STK3: variants seen among roughly 807,000 people sequenced by gnomAD.
STK3 encodes the protein serine/threonine-protein kinase 3.
STK3 carries 41 observed loss-of-function variants against 58.0 expected under a neutral mutation model. The ratio of observed to expected loss-of-function variants is 0.71; its 90% confidence interval spans 0.55 to 0.92. The LOEUF (loss-of-function observed/expected upper bound fraction) is 0.92. Ranked by LOEUF, STK3 falls within the 40% of genes least tolerant of loss-of-function variation. The probability of loss-of-function intolerance (pLI) is 0.00; values close to 1 mark genes in which losing one functional copy is unlikely to be tolerated. For synonymous variants in STK3, 170 were observed against 191.0 expected, an observed-to-expected ratio of 0.89 and a Z score of 0.91; for missense variants, 479 against 602.7, an observed-to-expected ratio of 0.79 and a Z score of 2.15.
chr8:98,838,650 T>C (rs1289119687), intron 3 of STK3, among the ~76,000 whole-genome samples: 2 of 152,136 alleles, frequency 1.3e-5, no homozygotes, highest in Admixed American at 1.3e-4. Context: ...TGCAAAAAGT[T>C]TGGAAAGATG....
chr8:98,434,872 A>G (rs1818430413), intron 2 of STK3, among the ~76,000 whole-genome samples: 1 of 152,200 alleles, frequency 6.6e-6, no homozygotes, highest in Admixed American at 6.5e-5. Flanking sequence ...GAAAGAAGGG[A>G]AAAGAGCAGA....
chr8:98,527,288 G>A (rs560009921), intron 9 of STK3, among the ~76,000 whole-genome samples: 3 of 152,086 alleles, frequency 2.0e-5, no homozygotes, highest in African/African-American at 7.2e-5. Flanking sequence ...TTGCATTTAA[G>A]CCTGCATTGC....
chr8:98,596,461 A>G (rs879423112), intron 6 of STK3: 11 of 209,642 alleles, frequency 5.2e-5, no homozygotes, highest in African/African-American at 1.1e-4. Context: ...CTGACCCACT[A>G]AGGACTTTCC....
chr8:98,546,906 C>A (rs1323787562), intron 9 of STK3, among the ~76,000 whole-genome samples: 1 of 152,028 alleles, frequency 6.6e-6, no homozygotes, highest in Non-Finnish European at 1.5e-5. Context: ...GTGGGCTACA[C>A]AGAACTAGGG....
intron 3 of STK3, among the ~76,000 whole-genome samples, chr8:98,858,353 G>GAGAGAC (rs1836785215): frequency 7.3e-6 from 1 of 137,234 alleles, no homozygotes; most frequent in African/African-American, 2.7e-5. Context: ...GAGAGAGAGA[G>GAGAGAC]AGAGAGACAG....
chr8:98,707,046 A>C, intron 5 of STK3, 101 bp downstream of exon 5: 1 of 1,264,154 alleles, frequency 7.9e-7, no homozygotes, highest in Non-Finnish European at 1.1e-6. Flanking sequence ...AAAAAACTAC[A>C]CATTTCTTTC....
At chr8:98,815,122 C>T (rs1834466049) in intron 1 of STK3, among the ~76,000 whole-genome samples, 3 of 152,144 alleles carry the variant, frequency 2.0e-5, no homozygotes, top group Non-Finnish European at 4.4e-5. Flanking sequence ...TATAGTGGGT[C>T]AAAGAGCAAC....
In STK3 at chr8:98,830,862, C is replaced by T. The variant is rs915903482; in HGVS notation, c.110+52785G>A. Reference sequence around the variant, plus strand: ...GTGGGCACCTGTACTCCCAGCTACTCGGGAGGCTGAGGCAGGAGAATGGCG... The same window carrying T: ...GTGGGCACCTGTACTCCCAGCTACTTGGGAGGCTGAGGCAGGAGAATGGCG... On this transcript the variant is annotated intron_variant, in intron 3 of 12. Transcript: ENST00000523601. Among the ~76,000 whole-genome samples the T allele has an allele frequency of 5.8e-4, 86 of 147,682 alleles. 1 individual carries two copies. The highest frequency in any genetic ancestry group is 1.8e-3 in the African/African-American group (71 of 40,064).
downstream of STK3, chr8:98,878,922 G>A (rs1475457406): frequency 4.5e-5 from 5 of 110,734 alleles, no homozygotes; most frequent in Non-Finnish European, 8.9e-5. Context: ...TTTTTGAGAT[G>A]GAGTTTTGCT....
the STK3 span, among the ~76,000 whole-genome samples, chr8:98,357,630 G>A: frequency 6.6e-6 from 1 of 152,218 alleles, no homozygotes; most frequent in Non-Finnish European, 1.5e-5. Context: ...AACTCTAATT[G>A]TGATAGGCAC....
intron 6 of STK3, among the ~76,000 whole-genome samples, chr8:98,649,495 T>C (rs1306880595): frequency 6.6e-6 from 1 of 152,206 alleles, no homozygotes; most frequent in Non-Finnish European, 1.5e-5. Context: ...TATTTAGGTA[T>C]TGTAAGAGAC....
At chr8:98,827,387 C>T (rs1041563610), upstream of STK3, among the ~76,000 whole-genome samples, 1 of 152,088 alleles carries the variant, frequency 6.6e-6, no homozygotes, top group Non-Finnish European at 1.5e-5. Flanking sequence ...ATAGAATTTT[C>T]TTGGAGGTTA....
At chr8:98,905,344 C>T (rs1169376864) in intron 1 of STK3, 14 of 965,154 alleles carry the variant, frequency 1.5e-5, no homozygotes, top group East Asian at 2.4e-5. Context: ...TAATCTTTCA[C>T]GATGTCACAT....
intron 10 of STK3, among the ~76,000 whole-genome samples, chr8:98,499,955 G>T (rs1425573842): frequency 2.0e-5 from 3 of 152,232 alleles, no homozygotes; most frequent in Non-Finnish European, 4.4e-5. Context: ...GAGACAAGAG[G>T]GCAGACTGTG....
chr8:98,535,452 A>C (rs1809675138), intron 9 of STK3, among the ~76,000 whole-genome samples: 1 of 132,948 alleles, frequency 7.5e-6, no homozygotes, highest in South Asian at 2.3e-4. Flanking sequence ...CATTGCTTTC[A>C]TTAATTTTTT....
chr8:98,589,421 G>A (rs1202044701), intron 7 of STK3, among the ~76,000 whole-genome samples: 1 of 152,226 alleles, frequency 6.6e-6, no homozygotes, highest in Non-Finnish European at 1.5e-5. Flanking sequence ...GGGGTCAGGG[G>A]TCATGCACCC....
chr8:98,784,601 A>G (rs543798950), intron 1 of STK3, among the ~76,000 whole-genome samples: 182 of 152,310 alleles, frequency 1.2e-3, no homozygotes, highest in Non-Finnish European at 8.7e-4. Context: ...ATCATGGCAC[A>G]GTGGAGGCCT....
intron 10 of STK3, among the ~76,000 whole-genome samples, chr8:98,484,836 A>T (rs1343161540): frequency 3.3e-5 from 5 of 152,232 alleles, no homozygotes; most frequent in African/African-American, 1.2e-4. Context: ...GTGTATACAT[A>T]CATATACACA....
chr8:98,665,730 G>A (rs577586872), intron 6 of STK3, among the ~76,000 whole-genome samples: 1 of 145,924 alleles, frequency 6.9e-6, no homozygotes, highest in Non-Finnish European at 1.5e-5. Context: ...TTGAGACCGA[G>A]TCTTGCTCTG....
Sources: gnomAD v4.1 joint callset for allele counts (sites outside exome capture counted in the v4.1 genomes callset) on GRCh38, gnomAD v4.1.1 for gene constraint, MANE v1.5 for transcripts, NCBI Gene and HGNC (gene_info 2026-07-23, HGNC 2026-07-21) for gene names.